Variants in ANKRD55 observed in about 807,000 individuals in gnomAD.
ANKRD55 encodes the protein ankyrin repeat domain-containing protein 55.
In ANKRD55, 41 loss-of-function variants were observed where a neutral mutation model predicts 60.6. That is an observed-to-expected ratio of 0.68 (90% CI 0.53 to 0.88). The LOEUF is 0.88. Among genes scored for constraint, ANKRD55 ranks in the 40% least tolerant of loss-of-function variants. ANKRD55 has a pLI of 0.00. For synonymous variants in ANKRD55, 264 were observed against 290.3 expected (o/e 0.91, Z 0.92); for missense variants, 732 against 767.6 (o/e 0.95, Z 0.55).
intron 2 of ANKRD55, among the ~76,000 whole-genome samples, chr5:56,211,661 G>A (rs762293968): frequency 2.6e-5 from 4 of 152,174 alleles, no homozygotes; most frequent in Non-Finnish European, 5.9e-5. Context: ...TTTGGTGCTG[G>A]ATGGACATTC....
rs557294334 is a variant in ANKRD55, at chr5:56,233,273, A to G, written c.-66T>C. Reference sequence around the variant, plus strand: ...CTGGGCTGGAAAAACACAGCAGATCACGGAGCTTCAGCAGCTGGAATGTCG... The same window carrying G: ...CTGGGCTGGAAAAACACAGCAGATCGCGGAGCTTCAGCAGCTGGAATGTCG... On this transcript the variant is annotated 5_prime_UTR_variant, in exon 1 of 12. Transcript: ENST00000341048. 165 of 252,974 alleles carry G rather than the reference A, an allele frequency of 6.5e-4. No individual in the cohort carries two copies. Among genetic ancestry groups the G allele is most frequent in the African/African-American group, 3.4e-3 (155 of 45,100 alleles). 15.7% of individuals were successfully genotyped at this position (252,974 alleles called of 1,614,324 possible).
chr5:56,130,985 C>A (rs1757393678), intron 7 of ANKRD55, among the ~76,000 whole-genome samples: 1 of 151,920 alleles, frequency 6.6e-6, no homozygotes, highest in Non-Finnish European at 1.5e-5. Flanking sequence ...TATTCACAGA[C>A]TGTGAGAGAA....
chr5:56,175,604 T>C (rs925667497), intron 4 of ANKRD55, among the ~76,000 whole-genome samples: 3 of 152,070 alleles, frequency 2.0e-5, no homozygotes, highest in East Asian at 1.9e-4. Context: ...TATGACACAG[T>C]TGTTAAATTG....
At chr5:56,169,394 T>C (rs1481724899) in intron 5 of ANKRD55, among the ~76,000 whole-genome samples, 1 of 151,642 alleles carries the variant, frequency 6.6e-6, no homozygotes, top group African/African-American at 2.4e-5. Flanking sequence ...GAAAACAGTA[T>C]GATTTTGTGA....
chr5:56,219,594 G>A (rs1220280544), intron 2 of ANKRD55, among the ~76,000 whole-genome samples: 1 of 152,190 alleles, frequency 6.6e-6, no homozygotes, highest in Non-Finnish European at 1.5e-5. Flanking sequence ...CTGACATGTA[G>A]ATCATTCATG....
chr5:56,137,105 A>C, intron 7 of ANKRD55: 2 of 1,117,566 alleles, frequency 1.8e-6, no homozygotes, highest in South Asian at 2.5e-5. Context: ...ATATATGAAA[A>C]GCCACAAAGT....
intron 8 of ANKRD55, among the ~76,000 whole-genome samples, 173 bp downstream of exon 8, chr5:56,126,749 A>G (rs1279417495): frequency 6.6e-6 from 1 of 152,214 alleles, no homozygotes; most frequent in Non-Finnish European, 1.5e-5. Context: ...CCATAACAAT[A>G]ATTTTTTCTC....
At chr5:56,162,103 A>C in intron 5 of ANKRD55, 3 of 928,246 alleles carry the variant, frequency 3.2e-6, no homozygotes, top group Non-Finnish European at 3.9e-6. Context: ...AGGGCAAGGC[A>C]GGAGGTCAGC....
At chr5:56,230,914 G>T (rs1288259916) in intron 2 of ANKRD55, among the ~76,000 whole-genome samples, 2 of 152,140 alleles carry the variant, frequency 1.3e-5, no homozygotes, top group Non-Finnish European at 2.9e-5. Flanking sequence ...AATAATAACA[G>T]CTGCAGCCAA....
At chr5:56,182,233 C>CG (rs1554041778) in intron 3 of ANKRD55, among the ~76,000 whole-genome samples, 5 of 145,072 alleles carry the variant, frequency 3.4e-5, no homozygotes, top group Non-Finnish European at 7.8e-5. Flanking sequence ...ATATCTTTTT[C>CG]GGGGGGGATT....
In ANKRD55 at chr5:56,111,889, G is replaced by C. The variant is rs1756720111; in HGVS notation, c.966-107C>G. ...CCACATGCTTCATCAGGTTTTCTGAGATCCTTCCTAGATACCTCCAAAGCC... is the reference window on the plus strand; with the variant it reads ...CCACATGCTTCATCAGGTTTTCTGACATCCTTCCTAGATACCTCCAAAGCC... On this transcript the variant is annotated intron_variant, in intron 9 of 11. Transcript: ENST00000341048. The C allele has an allele frequency of 9.8e-6, 11 of 1,120,152 alleles. 1 individual carries two copies. In the South Asian group the frequency reaches 2.6e-4, roughly 26 times the overall value. The allele number at this position is 1,120,152 out of a possible 1,614,324, so 69.4% of individuals were successfully genotyped here.
At chr5:56,101,408 G>A (rs1463428690) in intron 11 of ANKRD55, among the ~76,000 whole-genome samples, 2 of 145,308 alleles carry the variant, frequency 1.4e-5, no homozygotes, top group African/African-American at 4.9e-5. Flanking sequence ...GTGTGTGTGT[G>A]TGTTTGTCTG....
At position 56,233,264 on chromosome 5, in the gene ANKRD55, C is replaced by A; in HGVS notation, c.-57G>T. 3.8e-6 allele frequency: 1 copy of A among 261,834 alleles called. No individual in the cohort carries two copies. Among genetic ancestry groups the A allele is most frequent in the Non-Finnish European group, 7.3e-6 (1 of 136,356 alleles). The allele number at this position is 261,834 out of a possible 1,614,324, so 16.2% of individuals were successfully genotyped here. On this transcript the variant is annotated 5_prime_UTR_variant, in exon 1 of 12. Transcript: ENST00000341048. ...GCCTTGGATCTGGGCTGGAAAAACA[C>A]AGCAGATCACGGAGCTTCAGCAGCT... is the stretch of plus-strand genomic sequence containing the variant.
chr5:56,161,921 A>G, intron 5 of ANKRD55: 1 of 962,598 alleles, frequency 1.0e-6, no homozygotes, highest in Non-Finnish European at 1.2e-6. Flanking sequence ...TATCTTTGCA[A>G]TTATTTCACC....
chr5:56,200,517 A>G (rs2111857114), intron 2 of ANKRD55, among the ~76,000 whole-genome samples: 1 of 152,286 alleles, frequency 6.6e-6, no homozygotes, highest in Middle Eastern at 3.4e-3. Flanking sequence ...TAGGCTATTA[A>G]AAATGTTTTA....
intron 7 of ANKRD55, among the ~76,000 whole-genome samples, chr5:56,142,030 A>G (rs1757783867): frequency 6.6e-6 from 1 of 152,170 alleles, no homozygotes; most frequent in Non-Finnish European, 1.5e-5. Context: ...CTCTTAAAGG[A>G]TAAGAACAGG....
chr5:56,107,146 T>C (rs895129186), intron 10 of ANKRD55, among the ~76,000 whole-genome samples: 14 of 152,100 alleles, frequency 9.2e-5, no homozygotes, highest in Non-Finnish European at 1.9e-4. Flanking sequence ...TATCTAAACA[T>C]GAGAAGAAAG....
chr5:56,230,218 C>T (rs1760217902), intron 2 of ANKRD55, among the ~76,000 whole-genome samples: 1 of 152,142 alleles, frequency 6.6e-6, no homozygotes, highest in African/African-American at 2.4e-5. Context: ...CCTCAGCCTC[C>T]CGAGTAGCTG....
At chr5:56,119,880 C>T (rs1756986892) in intron 8 of ANKRD55, among the ~76,000 whole-genome samples, 2 of 152,000 alleles carry the variant, frequency 1.3e-5, no homozygotes, top group African/African-American at 4.8e-5. Flanking sequence ...ATCCTGCCAC[C>T]ACACTCCAGC....
Sources: allele counts gnomAD v4.1 joint callset (sites outside exome capture counted in the v4.1 genomes callset), GRCh38; gene constraint gnomAD v4.1.1; transcripts MANE v1.5; gene names NCBI Gene and HGNC (gene_info 2026-07-23, HGNC 2026-07-21).